CALN1: variants seen among roughly 807,000 people sequenced by gnomAD.
CALN1 encodes calneuron 1.
In CALN1, 17 loss-of-function variants were observed where a neutral mutation model predicts 30.6. The observed-to-expected ratio is 0.56, with a 90% confidence interval of 0.38 to 0.83. The LOEUF is 0.83. CALN1 is among the 40% of genes least tolerant of loss of function. The probability of loss-of-function intolerance (pLI) is 0.00; values close to 1 mark genes in which losing one functional copy is unlikely to be tolerated. For synonymous variants in CALN1, 156 were observed against 131.4 expected (o/e 1.19, Z -1.28); for missense variants, 291 against 354.9 (o/e 0.82, Z 1.45).
intron 3 of CALN1, among the ~76,000 whole-genome samples, chr7:72,165,884 C>G (rs895760012): frequency 6.6e-6 from 1 of 151,918 alleles, no homozygotes; most frequent in Non-Finnish European, 1.5e-5. Flanking sequence ...AGATGGAAAC[C>G]CTTGAACCGT....
chr7:72,247,038 G>A (rs1056309493), intron 3 of CALN1, among the ~76,000 whole-genome samples: 8 of 151,860 alleles, frequency 5.3e-5, no homozygotes, highest in Non-Finnish European at 1.0e-4. Flanking sequence ...ACAGGCAAGA[G>A]CCACTGTGCC....
At chr7:72,399,558 C>A (rs752101885) in intron 2 of CALN1, among the ~76,000 whole-genome samples, 1 of 152,084 alleles carries the variant, frequency 6.6e-6, no homozygotes, top group Admixed American at 6.6e-5. Flanking sequence ...CATGAGCCAC[C>A]GTGCCTGACC....
intron 3 of CALN1, among the ~76,000 whole-genome samples, chr7:72,247,779 C>G (rs1795289565): frequency 6.6e-6 from 1 of 152,074 alleles, no homozygotes; most frequent in Non-Finnish European, 1.5e-5. Flanking sequence ...TTGCTTGAGG[C>G]CTGGAGTTGG....
At chr7:72,022,646 G>C (rs1800767964) in intron 5 of CALN1, among the ~76,000 whole-genome samples, 2 of 152,058 alleles carry the variant, frequency 1.3e-5, no homozygotes, top group South Asian at 2.1e-4. Flanking sequence ...CTCCTGTCTT[G>C]GCCTCCCAAA....
Position 71,972,021 on chromosome 7 carries a change from AAAG to A in CALN1, c.501+51633_501+51635del, listed in dbSNP as rs1168876339. 3.8e-3 allele frequency among the ~76,000 whole-genome samples: 433 copies of A among 115,398 alleles called. 2 individuals carry two copies. Among genetic ancestry groups the A allele is most frequent in the African/African-American group, 0.015 (423 of 28,134 alleles). 75.7% of individuals were successfully genotyped at this position (115,398 alleles called of 152,430 possible). ...AAAGAAAGAAAAAAAGAAAGAAAAG[AAAG>A]AAAGAAAGAAAGACACACTCAGAGT... On this transcript the variant is annotated intron_variant, in intron 5 of 6. Coordinates refer to ENST00000395275, the MANE Select transcript of CALN1 (RefSeq NM_031468.4).
chr7:72,090,620 T>C (rs1166908831), intron 4 of CALN1, among the ~76,000 whole-genome samples: 1 of 152,216 alleles, frequency 6.6e-6, no homozygotes, highest in African/African-American at 2.4e-5. Context: ...TTCCCTTATC[T>C]GCACTTTCGT....
chr7:72,270,113 A>ATGTG (rs373689449), intron 3 of CALN1, among the ~76,000 whole-genome samples: 39 of 150,766 alleles, frequency 2.6e-4, no homozygotes, highest in African/African-American at 8.7e-4. Flanking sequence ...GTGTGTATGT[A>ATGTG]TGTGTGTGTG....
At chr7:72,274,134 A>G (rs750687296) in intron 3 of CALN1, among the ~76,000 whole-genome samples, 12 of 152,182 alleles carry the variant, frequency 7.9e-5, no homozygotes, top group Non-Finnish European at 1.6e-4. Context: ...AAATTAAGAT[A>G]TATTTATATA....
At chr7:72,412,782 A>G (rs1489728477), upstream of CALN1, among the ~76,000 whole-genome samples, 1 of 152,232 alleles carries the variant, frequency 6.6e-6, no homozygotes, top group Non-Finnish European at 1.5e-5. Flanking sequence ...GGAAGTTTCT[A>G]GAAGCAGTCA....
At chr7:72,249,501 T>C (rs971566890) in intron 3 of CALN1, among the ~76,000 whole-genome samples, 3 of 143,602 alleles carry the variant, frequency 2.1e-5, no homozygotes, top group African/African-American at 8.3e-5. Flanking sequence ...CACAGGATCT[T>C]CAACAAGAAA....
chr7:72,485,569 G>A, the CALN1 span, among the ~76,000 whole-genome samples: 1 of 152,058 alleles, frequency 6.6e-6, no homozygotes, highest in South Asian at 2.1e-4. Context: ...TGGCCATTGC[G>A]CTTAACAGAA....
intron 1 of CALN1, chr7:72,446,898 A>G (rs1201596287): frequency 2.0e-5 from 3 of 152,386 alleles, no homozygotes; most frequent in Non-Finnish European, 2.9e-5. Flanking sequence ...TTCTGTCTCA[A>G]CTAAACACAA....
chr7:72,324,529 TCTCTC>T (rs1257240302), intron 2 of CALN1, among the ~76,000 whole-genome samples: 1 of 151,178 alleles, frequency 6.6e-6, no homozygotes, highest in Non-Finnish European at 1.5e-5. Flanking sequence ...TCTGGCTCTC[TCTCTC>T]TTTTTCCCTC....
At chr7:72,014,878 G>T (rs1409568360) in intron 5 of CALN1, among the ~76,000 whole-genome samples, 1 of 151,830 alleles carries the variant, frequency 6.6e-6, no homozygotes, top group Non-Finnish European at 1.5e-5. Context: ...ACCCAGGCTG[G>T]TCTCAAACTC....
At chr7:71,992,144 CAAAG>C (rs1433987090) in intron 5 of CALN1, among the ~76,000 whole-genome samples, 3 of 152,138 alleles carry the variant, frequency 2.0e-5, no homozygotes, top group Middle Eastern at 3.2e-3. Flanking sequence ...CTTTCTAACA[CAAAG>C]ACATTATGAC....
At chr7:72,218,473 T>C (rs1180151470) in intron 3 of CALN1, among the ~76,000 whole-genome samples, 1 of 152,026 alleles carries the variant, frequency 6.6e-6, no homozygotes, top group Non-Finnish European at 1.5e-5. Flanking sequence ...ATAAAATAAC[T>C]GTGCTTTGGG....
At chr7:71,987,944 G>T (rs1423767610) in intron 5 of CALN1, among the ~76,000 whole-genome samples, 1 of 152,166 alleles carries the variant, frequency 6.6e-6, no homozygotes, top group Non-Finnish European at 1.5e-5. Context: ...AATCCAGCGG[G>T]TCCAGGGACA....
chr7:71,827,379 T>C (rs779433703), intron 5 of CALN1, among the ~76,000 whole-genome samples: 5 of 152,178 alleles, frequency 3.3e-5, no homozygotes, highest in Non-Finnish European at 7.3e-5. Context: ...GTGGCCTCAT[T>C]TAAGTCTCAT....
intron 3 of CALN1, among the ~76,000 whole-genome samples, chr7:72,126,690 G>C (rs1405165199): frequency 6.6e-6 from 1 of 151,040 alleles, no homozygotes; most frequent in African/African-American, 2.4e-5. Flanking sequence ...CTCACACTTA[G>C]AAGTGAGAAC....
Sources: allele counts gnomAD v4.1 joint callset (sites outside exome capture counted in the v4.1 genomes callset), GRCh38; gene constraint gnomAD v4.1.1; transcripts MANE v1.5; gene names NCBI Gene and HGNC (gene_info 2026-07-23, HGNC 2026-07-21).